Variants in PPP2R2C observed in about 807,000 individuals in gnomAD.
PPP2R2C encodes protein phosphatase 2 regulatory subunit Bgamma, also known as protein phosphatase 2, regulatory subunit B, gamma.
PPP2R2C carries 10 observed loss-of-function variants against 45.3 expected under a neutral mutation model. That is an observed-to-expected ratio of 0.22 (90% confidence interval 0.14 to 0.37). The LOEUF (loss-of-function observed/expected upper bound fraction) is 0.37, where lower values mean the gene tolerates loss of function less well. Ranked by LOEUF, PPP2R2C falls within the 10% of genes least tolerant of loss-of-function variation. The probability of loss-of-function intolerance (pLI) is 1.00; values close to 1 mark genes in which losing one functional copy is unlikely to be tolerated. For missense variants in PPP2R2C, 308 were observed against 619.7 expected, an observed-to-expected ratio of 0.50 and a Z score of 5.34; for synonymous variants, 257 against 245.4, an observed-to-expected ratio of 1.05 and a Z score of -0.44.
intron 1 of PPP2R2C, among the ~76,000 whole-genome samples, chr4:6,458,884 T>G (rs1214472369): frequency 3.3e-5 from 5 of 152,136 alleles, no homozygotes; most frequent in Non-Finnish European, 7.4e-5. Context: ...GTCTGTCAGT[T>G]ATAAGCAACA....
At chr4:6,445,226 C>T (rs550424361) in intron 1 of PPP2R2C, among the ~76,000 whole-genome samples, 10 of 152,062 alleles carry the variant, frequency 6.6e-5, no homozygotes, top group African/African-American at 2.2e-4. Context: ...AAAACCCTCT[C>T]CCAAACTTTT....
rs555346605 is a variant in PPP2R2C, at chr4:6,372,807, G to GGC, written c.448-109_448-108dup. 25 of 1,184,482 alleles carry GGC rather than the reference G, an allele frequency of 2.1e-5. No individual in the cohort carries two copies. In the African/African-American group the frequency reaches 3.6e-4, roughly 17 times the overall value. 73.4% of individuals were successfully genotyped at this position (1,184,482 alleles called of 1,614,324 possible). On this transcript the variant is annotated intron_variant, in intron 4 of 8. Coordinates refer to ENST00000382599, the MANE Select transcript of PPP2R2C (RefSeq NM_020416.4). Reference sequence around the variant, plus strand: ...AACCGGAGGCTGGAACACAGGGGTGGGCGTCCATCCTGATCCTCCGTGGTC... The same window carrying GGC: ...AACCGGAGGCTGGAACACAGGGGTGGGCGCGTCCATCCTGATCCTCCGTGGTC...
chr4:6,359,353 G>A (rs935718495), intron 5 of PPP2R2C, among the ~76,000 whole-genome samples: 4 of 152,136 alleles, frequency 2.6e-5, no homozygotes, highest in African/African-American at 7.2e-5. Flanking sequence ...CATGGAGTGG[G>A]GGAATGGAGG....
At chr4:6,554,934 A>G (rs4689019) in intron 1 of PPP2R2C, among the ~76,000 whole-genome samples, 16,487 of 72,702 alleles carry the variant, frequency 0.23, 1,357 homozygotes, top group East Asian at 0.28. Flanking sequence ...AAGGAAGGAA[A>G]GAAAGAAAGA....
intron 6 of PPP2R2C, among the ~76,000 whole-genome samples, chr4:6,342,641 G>A (rs1025609897): frequency 2.0e-5 from 3 of 152,190 alleles, no homozygotes; most frequent in African/African-American, 4.8e-5. Context: ...TTCCGGGCAC[G>A]GCCCTTTCTT....
At chr4:6,365,701 C>T (rs562316826) in intron 5 of PPP2R2C, among the ~76,000 whole-genome samples, 1 of 152,282 alleles carries the variant, frequency 6.6e-6, no homozygotes, top group South Asian at 2.1e-4. Flanking sequence ...AGGTTCTGAG[C>T]CTCCTGCGGT....
intron 1 of PPP2R2C, among the ~76,000 whole-genome samples, chr4:6,541,941 G>A (rs761795909): frequency 2.0e-5 from 3 of 152,246 alleles, no homozygotes; most frequent in African/African-American, 4.8e-5. Context: ...CATAGGTTCC[G>A]TCATCTAACA....
intron 1 of PPP2R2C, among the ~76,000 whole-genome samples, chr4:6,554,930 G>GGAAGGAAGGAAA (rs1305316211): frequency 1.7e-5 from 2 of 116,192 alleles, no homozygotes; most frequent in African/African-American, 7.7e-5. Flanking sequence ...AAGGAAGGAA[G>GGAAGGAAGGAAA]GAAAGAAAGA....
intron 8 of PPP2R2C, among the ~76,000 whole-genome samples, chr4:6,327,602 G>A (rs1410151460): frequency 6.6e-6 from 1 of 152,222 alleles, no homozygotes; most frequent in Non-Finnish European, 1.5e-5. Flanking sequence ...GGGACCCACT[G>A]CACCAGGGAA....
At chr4:6,511,837 A>G (rs866609393) in intron 2 of PPP2R2C, among the ~76,000 whole-genome samples, 1,835 of 4,368 alleles carry the variant, frequency 0.42, 41 homozygotes, top group Middle Eastern at 0.5. Context: ...GGTGGTGGTG[A>G]TGGTGGTGGT....
intron 1 of PPP2R2C, among the ~76,000 whole-genome samples, chr4:6,452,627 A>G (rs1720799136): frequency 1.3e-5 from 2 of 152,158 alleles, no homozygotes; most frequent in Admixed American, 1.3e-4. Flanking sequence ...AAATTATCAC[A>G]TGTCCTCCCA....
chr4:6,534,634 TATC>T (rs1724536461), intron 2 of PPP2R2C, among the ~76,000 whole-genome samples: 1 of 149,320 alleles, frequency 6.7e-6, no homozygotes, highest in Non-Finnish European at 1.5e-5. Flanking sequence ...AACACACACA[TATC>T]AACACACACA....
rs145568405 is a variant in PPP2R2C at position 6,343,002 on chromosome 4, AG to A, written c.790+4843del. On this transcript the variant is annotated intron_variant, in intron 6 of 8. Transcript: ENST00000382599. ...AGCACATCTCTGGGGTGTCACTATC[AG>A]CCACTCCCTGAGTTTTGAGCAGTAA... 8.4e-3 allele frequency among the ~76,000 whole-genome samples: 1,278 copies of A among 152,336 alleles called. 14 individuals carry two copies. Among genetic ancestry groups the A allele is most frequent in the African/African-American group, 0.029 (1,207 of 41,570 alleles).
At chr4:6,560,422 C>A (rs1016236850) in intron 1 of PPP2R2C, among the ~76,000 whole-genome samples, 3 of 152,326 alleles carry the variant, frequency 2.0e-5, no homozygotes, top group African/African-American at 7.2e-5. Flanking sequence ...TGACCAAGGA[C>A]AAGCCTTGGG....
At chr4:6,410,404 G>C (rs1366100014) in intron 1 of PPP2R2C, among the ~76,000 whole-genome samples, 2 of 152,228 alleles carry the variant, frequency 1.3e-5, no homozygotes, top group African/African-American at 4.8e-5. Context: ...CCACGAGTGA[G>C]TAACTGGGGC....
At chr4:6,381,668 T>C (rs1715804950) in intron 1 of PPP2R2C, 2 of 1,514,104 alleles carry the variant, frequency 1.3e-6, no homozygotes, top group Non-Finnish European at 1.8e-6. Flanking sequence ...TAATCTCTGC[T>C]CGCAGAAGCG....
intron 1 of PPP2R2C, among the ~76,000 whole-genome samples, chr4:6,431,908 A>G (rs1719643627): frequency 6.6e-6 from 1 of 152,120 alleles, no homozygotes; most frequent in Non-Finnish European, 1.5e-5. Flanking sequence ...GAAGTCCAAG[A>G]TCGAGGTGTA....
chr4:6,355,712 C>T (rs573000925), intron 5 of PPP2R2C, among the ~76,000 whole-genome samples: 1 of 152,064 alleles, frequency 6.6e-6, no homozygotes, highest in South Asian at 2.1e-4. Context: ...CTGTGCTGGC[C>T]GGGCATGGTG....
Position 6,347,785 on chromosome 4 carries a change from G to A in PPP2R2C, c.790+61C>T, listed in dbSNP as rs116179794. On this transcript the variant is annotated intron_variant, in intron 6 of 8. Coordinates refer to ENST00000382599, the MANE Select transcript of PPP2R2C (RefSeq NM_020416.4). ...CCCTGCAGCAGCTGCACCAGGACAG[G>A]ACATCCCACCCGCCCGCCTGCCCAA... The A allele has an allele frequency of 5.2e-5, 75 of 1,432,104 alleles. No homozygotes were observed. The African/African-American group carries it at 9.0e-4, about 17-fold the overall frequency. The allele number at this position is 1,432,104 out of a possible 1,614,324, so 88.7% of individuals were successfully genotyped here.
Sources: gnomAD v4.1 joint callset for allele counts (sites outside exome capture counted in the v4.1 genomes callset) on GRCh38, gnomAD v4.1.1 for gene constraint, MANE v1.5 for transcripts, NCBI Gene and HGNC (gene_info 2026-07-23, HGNC 2026-07-21) for gene names.